The following SYTL3 variants were observed in gnomAD, a reference collection of about 807,000 sequenced individuals.
SYTL3 encodes the protein synaptotagmin like 3, also known as synaptotagmin-like protein 3.
In SYTL3, 88 loss-of-function variants were observed where a neutral mutation model predicts 82.1. That is an observed-to-expected ratio of 1.07 (90% CI 0.90 to 1.28). The LOEUF (loss-of-function observed/expected upper bound fraction) is 1.28. Ranked by LOEUF, SYTL3 falls within the 50% of genes most tolerant of loss-of-function variation. The pLI is 0.00. For synonymous variants in SYTL3, 311 were observed against 289.4 expected (o/e 1.07, Z -0.76); for missense variants, 831 against 757.6 (o/e 1.10, Z -1.14).
chr6:158,712,755 C>G (rs371305241), intron 8 of SYTL3, among the ~76,000 whole-genome samples: 2 of 137,708 alleles, frequency 1.5e-5, no homozygotes, highest in Non-Finnish European at 3.1e-5. Flanking sequence ...TCTTTTCTTT[C>G]TTTCTTTTTT....
chr6:158,723,284 G>C (rs1397157805), intron 10 of SYTL3, among the ~76,000 whole-genome samples: 1 of 151,508 alleles, frequency 6.6e-6, no homozygotes. Context: ...GTTTCACCGT[G>C]TTAGCCAGGT....
rs143319055 is a variant in SYTL3, at chr6:158,699,234, C to T, written c.395-7996C>T. Among the ~76,000 whole-genome samples the T allele has an allele frequency of 3.6e-3, 543 of 152,238 alleles. 2 individuals carry two copies. Among genetic ancestry groups the T allele is most frequent in the Middle Eastern group, 6.8e-3 (2 of 294 alleles). ...CTGTGGGACATTCCAGGGAGTCTGCCCTGTGTCCTCTTTCCCCGTGAACCA... is the reference window on the plus strand; with the variant it reads ...CTGTGGGACATTCCAGGGAGTCTGCTCTGTGTCCTCTTTCCCCGTGAACCA... On this transcript the variant is annotated intron_variant, in intron 6 of 17. Coordinates refer to ENST00000611299, the MANE Select transcript of SYTL3 (RefSeq NM_001242394.2).
chr6:158,714,554 T>A (rs572350969), intron 9 of SYTL3, among the ~76,000 whole-genome samples: 1 of 152,312 alleles, frequency 6.6e-6, no homozygotes, highest in African/African-American at 2.4e-5. Flanking sequence ...CCACCTCCAC[T>A]TGCAATCTTG....
intron 9 of SYTL3, among the ~76,000 whole-genome samples, chr6:158,716,377 AAG>A (rs1451700177): frequency 1.3e-5 from 2 of 152,154 alleles, no homozygotes; most frequent in Non-Finnish European, 2.9e-5. Flanking sequence ...GATGGGCACT[AAG>A]AGATTGCTGG....
chr6:158,652,022 G>C (rs1397670486), intron 2 of SYTL3, among the ~76,000 whole-genome samples, 180 bp downstream of exon 2: 1 of 151,606 alleles, frequency 6.6e-6, no homozygotes, highest in Non-Finnish European at 1.5e-5. Flanking sequence ...CTGCCTCCCA[G>C]GTTCAAGTGA....
intron 6 of SYTL3, among the ~76,000 whole-genome samples, chr6:158,688,537 A>G (rs1779528189): frequency 6.6e-6 from 1 of 152,186 alleles, no homozygotes; most frequent in African/African-American, 2.4e-5. Flanking sequence ...TCAAAGCAGG[A>G]GGATCGCTTG....
At chr6:158,679,898 C>G (rs1262100606) in intron 5 of SYTL3, among the ~76,000 whole-genome samples, 1 of 152,042 alleles carries the variant, frequency 6.6e-6, no homozygotes, top group Non-Finnish European at 1.5e-5. Context: ...GTTTACTTAT[C>G]GATGTTGTCC....
chr6:158,690,072 T>G (rs1175617908), intron 6 of SYTL3, among the ~76,000 whole-genome samples: 1 of 152,238 alleles, frequency 6.6e-6, no homozygotes, highest in Admixed American at 6.6e-5. Context: ...GGCCACTGAT[T>G]GGCACAGCGT....
chr6:158,763,260 C>T (rs1340483870), intron 16 of SYTL3, 44 bp from the exon 17 acceptor site: 4 of 1,585,456 alleles, frequency 2.5e-6, no homozygotes, highest in Non-Finnish European at 3.5e-6. Context: ...GGAGAGAAGG[C>T]CGTGTGGATG....
At chr6:158,693,792 G>A (rs1780216787) in intron 6 of SYTL3, among the ~76,000 whole-genome samples, 1 of 128,322 alleles carries the variant, frequency 7.8e-6, no homozygotes, top group South Asian at 2.5e-4. Flanking sequence ...ATCCACCTGC[G>A]CCGGCCTCCA....
chr6:158,677,745 A>C (rs1425763496), intron 5 of SYTL3, among the ~76,000 whole-genome samples: 5 of 150,440 alleles, frequency 3.3e-5, no homozygotes, highest in Admixed American at 6.6e-5. Context: ...ATTTGAAATA[A>C]AAAAAATAAA....
chr6:158,715,599 T>TCACACACACCCACACACACACACACA (rs1783278792), intron 9 of SYTL3, among the ~76,000 whole-genome samples: 1 of 116,442 alleles, frequency 8.6e-6, no homozygotes, highest in Non-Finnish European at 1.8e-5. Flanking sequence ...TGAAACCGCA[T>TCACACACACCCACACACACACACACA]CACACACACA....
intron 8 of SYTL3, among the ~76,000 whole-genome samples, chr6:158,711,200 A>G (rs1305430236): frequency 6.6e-6 from 1 of 152,150 alleles, no homozygotes; most frequent in African/African-American, 2.4e-5. Flanking sequence ...TTAAACTTTT[A>G]CCATTCATTA....
intron 11 of SYTL3, chr6:158,726,675 G>A: frequency 3.5e-6 from 1 of 288,144 alleles, no homozygotes; most frequent in Non-Finnish European, 7.0e-6. Context: ...ATCACTGGCT[G>A]GCTGGAAGCC....
At chr6:158,687,772 A>G (rs775238340) in intron 6 of SYTL3, among the ~76,000 whole-genome samples, 3 of 142,880 alleles carry the variant, frequency 2.1e-5, no homozygotes, top group Admixed American at 6.7e-5. Flanking sequence ...TCCATCTTCT[A>G]TTCTGTGAAG....
At chr6:158,679,566 G>T (rs952338912) in intron 5 of SYTL3, among the ~76,000 whole-genome samples, 1 of 142,664 alleles carries the variant, frequency 7.0e-6, no homozygotes, top group African/African-American at 3.1e-5. Flanking sequence ...AAATACTGTG[G>T]TATTTTTACT....
At chr6:158,718,886 G>A (rs1365074209) in intron 10 of SYTL3, among the ~76,000 whole-genome samples, 1 of 152,176 alleles carries the variant, frequency 6.6e-6, no homozygotes, top group Admixed American at 6.5e-5. Flanking sequence ...CTGGTAGGCT[G>A]GACAGAACTG....
At chr6:158,732,670 C>T (rs187526944) in intron 11 of SYTL3, among the ~76,000 whole-genome samples, 54 of 152,270 alleles carry the variant, frequency 3.5e-4, no homozygotes, top group Middle Eastern at 3.4e-3. Flanking sequence ...TCTCCAATGA[C>T]GAAGGAAAAA....
chr6:158,688,909 AC>A (rs549716801), intron 6 of SYTL3, among the ~76,000 whole-genome samples: 10 of 152,252 alleles, frequency 6.6e-5, no homozygotes, highest in Non-Finnish European at 1.3e-4. Flanking sequence ...TAATATATTT[AC>A]ATAATTGAAA....
Sources: allele counts gnomAD v4.1 joint callset (sites outside exome capture counted in the v4.1 genomes callset), GRCh38; gene constraint gnomAD v4.1.1; transcripts MANE v1.5; gene names NCBI Gene and HGNC (gene_info 2026-07-23, HGNC 2026-07-21).